Variants in GPC5 observed in about 807,000 individuals in gnomAD.
The protein encoded by GPC5 is glypican 5, also known as glypican-5.
GPC5 carries 47 observed loss-of-function variants against 53.9 expected under a neutral mutation model. That is an observed-to-expected ratio of 0.87 (90% CI 0.69 to 1.11). The LOEUF is 1.11. Ranked by LOEUF, GPC5 falls within the 50% of genes most tolerant of loss-of-function variation. The pLI, the probability that GPC5 is intolerant of heterozygous loss-of-function variation, is 0.00. For missense variants in GPC5, 748 were observed against 713.1 expected (o/e 1.05, Z -0.56); for synonymous variants, 286 against 263.3 (o/e 1.09, Z -0.84).
chr13:92,424,396 G>A (rs1876729495), intron 7 of GPC5, among the ~76,000 whole-genome samples: 2 of 151,940 alleles, frequency 1.3e-5, no homozygotes, highest in South Asian at 2.1e-4. Context: ...AAATAGCTAT[G>A]TACAAATAAG....
intron 7 of GPC5, among the ~76,000 whole-genome samples, chr13:92,703,622 A>G (rs1188328334): frequency 7.7e-6 from 1 of 129,718 alleles, no homozygotes; most frequent in African/African-American, 3.0e-5. Flanking sequence ...ATTGATGTAT[A>G]ATTTTTTTAT....
intron 2 of GPC5, among the ~76,000 whole-genome samples, chr13:91,492,456 G>A (rs1455149720): frequency 6.6e-6 from 1 of 152,174 alleles, no homozygotes; most frequent in African/African-American, 2.4e-5. Context: ...CACAGTCTAA[G>A]TCCTGGTCTG....
At chr13:92,409,799 A>G (rs2139347642) in intron 7 of GPC5, among the ~76,000 whole-genome samples, 1 of 152,318 alleles carries the variant, frequency 6.6e-6, no homozygotes, top group South Asian at 2.1e-4. Context: ...CCCATCAGTA[A>G]GGACATATTT....
chr13:92,664,183 G>T (rs377735239), intron 7 of GPC5, among the ~76,000 whole-genome samples: 2 of 151,848 alleles, frequency 1.3e-5, no homozygotes, highest in East Asian at 1.9e-4. Flanking sequence ...TGTATGTAAG[G>T]CTAGTCTGGA....
chr13:92,591,633 G>T (rs1226388217), intron 7 of GPC5, among the ~76,000 whole-genome samples: 1 of 151,994 alleles, frequency 6.6e-6, no homozygotes, highest in Non-Finnish European at 1.5e-5. Context: ...CATTTTTCAA[G>T]AATTCTATAT....
intron 5 of GPC5, among the ~76,000 whole-genome samples, chr13:91,760,439 A>G (rs1594533163): frequency 6.6e-6 from 1 of 152,304 alleles, no homozygotes; most frequent in Middle Eastern, 3.4e-3. Context: ...AATGCCATTC[A>G]GTTTTGAGGA....
At chr13:92,236,314 T>C (rs933795038) in intron 7 of GPC5, among the ~76,000 whole-genome samples, 3 of 152,224 alleles carry the variant, frequency 2.0e-5, no homozygotes, top group African/African-American at 7.2e-5. Flanking sequence ...TAAAATTGTA[T>C]GAGAGGACAT....
At chr13:92,738,154 A>T (rs1369114400) in intron 7 of GPC5, among the ~76,000 whole-genome samples, 2 of 152,054 alleles carry the variant, frequency 1.3e-5, no homozygotes, top group African/African-American at 4.8e-5. Context: ...AAGATTCACT[A>T]CAACCATACT....
At chr13:92,294,142 T>C (rs1285353011) in intron 7 of GPC5, among the ~76,000 whole-genome samples, 3 of 152,142 alleles carry the variant, frequency 2.0e-5, no homozygotes, top group Non-Finnish European at 2.9e-5. Context: ...GGGATATCAG[T>C]CTGTAGTTTT....
At chr13:92,400,455 C>T (rs1875505101) in intron 7 of GPC5, among the ~76,000 whole-genome samples, 1 of 152,216 alleles carries the variant, frequency 6.6e-6, no homozygotes, top group African/African-American at 2.4e-5. Context: ...CCATACAGCA[C>T]TAATCAGGGC....
intron 5 of GPC5, among the ~76,000 whole-genome samples, chr13:91,871,671 TAC>T (rs2039146098): frequency 6.6e-6 from 1 of 152,010 alleles, no homozygotes; most frequent in Non-Finnish European, 1.5e-5. Flanking sequence ...TTGGTATTAG[TAC>T]AGTCTTACAT....
intron 7 of GPC5, among the ~76,000 whole-genome samples, chr13:92,814,060 G>T (rs562019148): frequency 1.3e-5 from 2 of 152,110 alleles, no homozygotes; most frequent in Non-Finnish European, 2.9e-5. Context: ...AGAATTAAGT[G>T]CACAGAACCT....
intron 7 of GPC5, among the ~76,000 whole-genome samples, chr13:92,692,776 T>TA (rs1887449038): frequency 6.8e-6 from 1 of 146,516 alleles, no homozygotes; most frequent in African/African-American, 2.5e-5. Context: ...TTTTTTTTTT[T>TA]ACATTTTACC....
chr13:91,511,911 A>G (rs1885249758), intron 2 of GPC5, among the ~76,000 whole-genome samples: 1 of 152,108 alleles, frequency 6.6e-6, no homozygotes, highest in Non-Finnish European at 1.5e-5. Context: ...TTAATTTTAT[A>G]AAAGAAACTA....
At chr13:92,533,958 C>A (rs943011060) in intron 7 of GPC5, among the ~76,000 whole-genome samples, 4 of 152,066 alleles carry the variant, frequency 2.6e-5, no homozygotes, top group African/African-American at 9.7e-5. Context: ...ATAACAAAGC[C>A]TTTTCCTCCA....
chr13:92,176,071 C>A (rs1287564084), intron 7 of GPC5, among the ~76,000 whole-genome samples: 2 of 152,170 alleles, frequency 1.3e-5, no homozygotes, highest in East Asian at 3.9e-4. Context: ...TCCTCTAAGA[C>A]AGTGGTTCTC....
chr13:92,038,673 TATAGATAGATAGATAGATAG>T (rs56923365), intron 6 of GPC5, among the ~76,000 whole-genome samples: 10 of 147,814 alleles, frequency 6.8e-5, no homozygotes, highest in East Asian at 4.1e-4. Context: ...TACAAATCTA[TATAGATAGATAGATAGATAG>T]ATAGATAGAT....
intron 5 of GPC5, among the ~76,000 whole-genome samples, chr13:91,864,729 T>G (rs1484867189): frequency 6.6e-6 from 1 of 152,122 alleles, no homozygotes; most frequent in Non-Finnish European, 1.5e-5. Flanking sequence ...CAGTCTATTT[T>G]AAAAGGAGAT....
chr13:92,825,587 A>G (rs144884526), intron 7 of GPC5, among the ~76,000 whole-genome samples: 185 of 152,228 alleles, frequency 1.2e-3, no homozygotes, highest in Middle Eastern at 3.4e-3. Flanking sequence ...CAGGGTATCA[A>G]CTACAGCCTT....
Sources: allele counts gnomAD v4.1 joint callset (sites outside exome capture counted in the v4.1 genomes callset), GRCh38; gene constraint gnomAD v4.1.1; transcripts MANE v1.5; gene names NCBI Gene and HGNC (gene_info 2026-07-23, HGNC 2026-07-21).